CSPP1: variants seen among roughly 807,000 people sequenced by gnomAD.
CSPP1 encodes the protein centrosome and spindle pole associated protein 1, also known as centrosome and spindle pole-associated protein 1.
A neutral mutation model predicts 164.4 loss-of-function variants in CSPP1; 126 were observed. That is an observed-to-expected ratio of 0.77 (90% CI 0.66 to 0.89). The LOEUF is 0.89. Ranked by LOEUF, CSPP1 falls within the 40% of genes least tolerant of loss-of-function variation. The pLI, the probability that CSPP1 is intolerant of heterozygous loss-of-function variation, is 0.00. For missense variants in CSPP1, 1,395 were observed against 1,449.8 expected (o/e 0.96, Z 0.61); for synonymous variants, 472 against 476.7 (o/e 0.99, Z 0.13).
intron 24 of CSPP1, among the ~76,000 whole-genome samples, chr8:67,167,391 G>C (rs1829564539): frequency 6.7e-6 from 1 of 149,520 alleles, no homozygotes; most frequent in Non-Finnish European, 1.5e-5. Flanking sequence ...TGGCCGGGCG[G>C]GGGCTGCCCC....
chr8:67,160,413 C>T (rs1334027748), intron 21 of CSPP1, among the ~76,000 whole-genome samples: 10 of 149,260 alleles, frequency 6.7e-5, no homozygotes, highest in South Asian at 6.4e-4. Flanking sequence ...TGCAGTGAGC[C>T]GTGACTGCAC....
chr8:67,188,113 A>G (rs1835190044), intron 28 of CSPP1, among the ~76,000 whole-genome samples: 1 of 152,268 alleles, frequency 6.6e-6, no homozygotes, highest in African/African-American at 2.4e-5. Context: ...AGAGACTGTA[A>G]GAAATTATTT....
At chr8:67,116,316 A>G (rs1398845597) in intron 13 of CSPP1, among the ~76,000 whole-genome samples, 194 bp downstream of exon 13, 1 of 152,192 alleles carries the variant, frequency 6.6e-6, no homozygotes. Context: ...AAAACATTTT[A>G]TTGTTTAAAG....
At chr8:67,102,928 A>T (rs1431687213) in intron 7 of CSPP1, 109 bp from the exon 8 acceptor site, 1 of 553,984 alleles carries the variant, frequency 1.8e-6, no homozygotes, top group Non-Finnish European at 3.2e-6. Context: ...ACTTCATTAT[A>T]ACACTTTGTT....
At chr8:67,147,634 ATCT>A (rs1169131399) in intron 17 of CSPP1, among the ~76,000 whole-genome samples, 2 of 151,924 alleles carry the variant, frequency 1.3e-5, no homozygotes, top group Non-Finnish European at 2.9e-5. Flanking sequence ...CTCATCTTTT[ATCT>A]TCTTTGAACT....
At chr8:67,083,548 A>AAAAAAATATATATATATATAT (rs1332248754) in intron 3 of CSPP1, 1 of 91,500 alleles carries the variant, frequency 1.1e-5, no homozygotes, top group African/African-American at 4.5e-5. Context: ...AAAAAAAAAA[A>AAAAAAATATATATATATATAT]ATATATATAT....
chr8:67,098,960 T>G (rs1325679440), intron 7 of CSPP1, among the ~76,000 whole-genome samples: 1 of 151,088 alleles, frequency 6.6e-6, no homozygotes, highest in Non-Finnish European at 1.5e-5. Flanking sequence ...TTCATTAGCT[T>G]CTTTTTTTTT....
chr8:67,107,991 T>TTTG (rs1387668170), intron 9 of CSPP1, among the ~76,000 whole-genome samples: 1 of 150,638 alleles, frequency 6.6e-6, no homozygotes, highest in African/African-American at 2.4e-5. Flanking sequence ...AAGTTTTTTT[T>TTTG]TTTTTTTTTT....
At position 67,194,994 on chromosome 8, in the gene CSPP1, AAAG is replaced by A. The variant is rs548788191; in HGVS notation, c.3470-385_3470-383del. On this transcript the variant is annotated intron_variant, in intron 30 of 30. Transcript: ENST00000678616. ...TTGCTTTAAAAAAAATAAAAAGAAA[AAAG>A]AAAGAAATTTTATGTGTAGCCATTA... 1.1e-3 allele frequency among the ~76,000 whole-genome samples: 160 copies of A among 152,270 alleles called. 1 individual carries two copies. Among genetic ancestry groups the A allele is most frequent in the African/African-American group, 3.8e-3 (157 of 41,536 alleles).
chr8:67,171,978 G>C (rs886301083), intron 24 of CSPP1, among the ~76,000 whole-genome samples: 1 of 151,934 alleles, frequency 6.6e-6, no homozygotes, highest in Non-Finnish European at 1.5e-5. Flanking sequence ...CTCCCGAGTA[G>C]CTGGGACTAC....
At chr8:67,123,855 C>G (rs1475713721) in intron 15 of CSPP1, among the ~76,000 whole-genome samples, 3 of 151,374 alleles carry the variant, frequency 2.0e-5, no homozygotes, top group Non-Finnish European at 1.5e-5. Flanking sequence ...CAAGTGATCC[C>G]AGCCCCACAA....
intron 26 of CSPP1, 23 bp downstream of exon 26, chr8:67,175,459 T>C (rs1831376176): frequency 6.2e-7 from 1 of 1,613,132 alleles, no homozygotes. Flanking sequence ...CATTGCTGTG[T>C]CAAATAGTAT....
chr8:67,069,057 C>G (rs2129539850), intron 1 of CSPP1: 1 of 152,352 alleles, frequency 6.6e-6, no homozygotes, highest in African/African-American at 2.4e-5. Flanking sequence ...AGCCTTCCCC[C>G]AAATCACCCA....
intron 19 of CSPP1, among the ~76,000 whole-genome samples, chr8:67,154,568 G>A (rs764857868): frequency 4.0e-5 from 6 of 151,604 alleles, no homozygotes; most frequent in Admixed American, 1.3e-4. Context: ...GGGTTTCACC[G>A]TATTAGCCAG....
chr8:67,132,498 A>G (rs1821433346), intron 16 of CSPP1, among the ~76,000 whole-genome samples: 1 of 152,190 alleles, frequency 6.6e-6, no homozygotes, highest in South Asian at 2.1e-4. Context: ...GTATGAAAGG[A>G]TTGTTTGCTT....
intron 8 of CSPP1, among the ~76,000 whole-genome samples, chr8:67,104,229 T>G (rs1053131114): frequency 1.3e-5 from 2 of 152,124 alleles, no homozygotes; most frequent in Admixed American, 6.5e-5. Flanking sequence ...TTTGAGGATT[T>G]TTTTCCCCTT....
In CSPP1 at chr8:67,196,426, A is replaced by C. The variant is rs1323448184; in HGVS notation, c.*833A>C. On this transcript the variant is annotated 3_prime_UTR_variant, in exon 31 of 31. Coordinates refer to ENST00000678616, the MANE Select transcript of CSPP1 (RefSeq NM_001382391.1). ...GTTTTCTAATCACTCAGTAAGTGAT[A>C]CTTCTAAAAAAGGAAAGAGTCATTC... Among the ~76,000 whole-genome samples the C allele has an allele frequency of 2.0e-5, 3 of 152,160 alleles. No homozygotes were observed. Among genetic ancestry groups the C allele is most frequent in the African/African-American group, 7.2e-5 (3 of 41,438 alleles).
Position 67,064,403 on chromosome 8 carries a change from T to C in CSPP1, c.-146T>C. 1 of 1,613,582 alleles carries C rather than the reference T, an allele frequency of 6.2e-7. No individual in the cohort carries two copies. The highest frequency in any genetic ancestry group is 8.5e-7 in the Non-Finnish European group (1 of 1,179,832). On this transcript the variant is annotated 5_prime_UTR_variant, in exon 1 of 31. Transcript: ENST00000678616. ...GCCCCGGCCCGGAGGTCTGTCATGC[T>C]GTTCCCGCTCCAGGTGGCCGCTGTA...
intron 17 of CSPP1, 45 bp from the exon 18 acceptor site, chr8:67,149,738 C>T (rs752977097): frequency 3.0e-6 from 4 of 1,351,654 alleles, no homozygotes; most frequent in Non-Finnish European, 3.9e-6. Context: ...ATGCCAATTA[C>T]AGAAATGTGT....
Sources: gnomAD v4.1 joint callset for allele counts (sites outside exome capture counted in the v4.1 genomes callset) on GRCh38, gnomAD v4.1.1 for gene constraint, MANE v1.5 for transcripts, NCBI Gene and HGNC (gene_info 2026-07-23, HGNC 2026-07-21) for gene names.